PACRG: variants seen among roughly 807,000 people sequenced by gnomAD.
PACRG encodes parkin coregulated gene protein.
In PACRG, 29 loss-of-function variants were observed where a neutral mutation model predicts 29.7. The ratio of observed to expected loss-of-function variants is 0.98; its 90% CI spans 0.73 to 1.33. The LOEUF (loss-of-function observed/expected upper bound fraction) is 1.33. Among genes scored for constraint, PACRG ranks in the 40% most tolerant of loss-of-function variants. PACRG has a pLI of 0.00. For synonymous variants in PACRG, 116 were observed against 118.7 expected, an observed-to-expected ratio of 0.98 and a Z score of 0.15; for missense variants, 279 against 316.2, an observed-to-expected ratio of 0.88 and a Z score of 0.89.
At chr6:162,899,254 G>A (rs1795381313) in intron 2 of PACRG, among the ~76,000 whole-genome samples, 1 of 152,140 alleles carries the variant, frequency 6.6e-6, no homozygotes, top group Non-Finnish European at 1.5e-5. Context: ...GGAGAAAGAG[G>A]AGGTTAGAGG....
At chr6:162,933,362 T>C in intron 2 of PACRG, among the ~76,000 whole-genome samples, 1 of 152,170 alleles carries the variant, frequency 6.6e-6, no homozygotes, top group Non-Finnish European at 1.5e-5. Context: ...ACATTTGCTC[T>C]GTAGTGCAGT....
rs66497763 is a variant in PACRG at position 162,989,722 on chromosome 6, CTTTT to C, written c.292-72418_292-72415del. ...GAGGGCTGACTGTGTTCAGTACTTC[CTTTT>C]TTTTTTTTTCTTTTCTTTTTTTTTA... On this transcript the variant is annotated intron_variant, in intron 2 of 4. Transcript: ENST00000366888. 1.5e-4 allele frequency among the ~76,000 whole-genome samples: 21 copies of C among 142,066 alleles called. 1 individual carries two copies. Among genetic ancestry groups the C allele is most frequent in the African/African-American group, 5.2e-4 (20 of 38,740 alleles). 93.2% of individuals were successfully genotyped at this position (142,066 alleles called of 152,430 possible). A position where few individuals can be genotyped will look rare whatever the true frequency, so the allele number is the denominator to read the frequency against.
intron 4 of PACRG, among the ~76,000 whole-genome samples, chr6:163,223,116 G>A (rs769466422): frequency 5.5e-4 from 83 of 152,166 alleles, no homozygotes; most frequent in Non-Finnish European, 3.1e-4. Flanking sequence ...AACATTGACC[G>A]GGCGCGATGG....
intron 4 of PACRG, among the ~76,000 whole-genome samples, chr6:163,126,244 A>G (rs761605258): frequency 1.3e-5 from 2 of 152,210 alleles, no homozygotes; most frequent in African/African-American, 2.4e-5. Flanking sequence ...ATGGCGTTCA[A>G]TTTCACTCAG....
At chr6:163,276,401 G>A (rs1212181504) in intron 4 of PACRG, among the ~76,000 whole-genome samples, 1 of 152,096 alleles carries the variant, frequency 6.6e-6, no homozygotes, top group Non-Finnish European at 1.5e-5. Flanking sequence ...CCTTCATTTT[G>A]TTTCCACTAG....
chr6:163,141,703 C>G (rs911785290), intron 4 of PACRG, among the ~76,000 whole-genome samples: 1 of 151,550 alleles, frequency 6.6e-6, no homozygotes, highest in African/African-American at 2.4e-5. Flanking sequence ...AGAGGGGCAT[C>G]GTAGGATAAG....
chr6:162,961,277 G>A (rs1235665094), intron 2 of PACRG, among the ~76,000 whole-genome samples: 7 of 152,198 alleles, frequency 4.6e-5, no homozygotes, highest in Non-Finnish European at 8.8e-5. Context: ...TGTTAAGGAA[G>A]CTGTCTAGAG....
At chr6:162,885,502 C>G (rs1358579917) in intron 2 of PACRG, among the ~76,000 whole-genome samples, 1 of 146,276 alleles carries the variant, frequency 6.8e-6, no homozygotes, top group East Asian at 1.9e-4. Flanking sequence ...AACTCCTGAC[C>G]TCAAGCCATC....
At chr6:162,791,358 G>A (rs1264454272) in intron 1 of PACRG, among the ~76,000 whole-genome samples, 1 of 120,904 alleles carries the variant, frequency 8.3e-6, no homozygotes, top group Non-Finnish European at 1.7e-5. Context: ...TCTGTAGATT[G>A]GGTTCCAGGT....
At chr6:162,862,488 A>G (rs564154020) in intron 2 of PACRG, among the ~76,000 whole-genome samples, 12 of 152,252 alleles carry the variant, frequency 7.9e-5, no homozygotes, top group Non-Finnish European at 1.8e-4. Flanking sequence ...TGCTAGGCAC[A>G]CAAGAAATGC....
intron 2 of PACRG, among the ~76,000 whole-genome samples, chr6:162,830,524 C>G (rs1788671325): frequency 1.3e-5 from 2 of 152,246 alleles, no homozygotes; most frequent in African/African-American, 4.8e-5. Flanking sequence ...TTCTCATCCC[C>G]CTCTCCCCAG....
chr6:163,303,845 T>A (rs11967702), intron 4 of PACRG, among the ~76,000 whole-genome samples: 1 of 150,924 alleles, frequency 6.6e-6, no homozygotes. Context: ...CCCATCTCTA[T>A]TAAAGAAAAA....
chr6:162,897,046 C>A (rs186941341), intron 2 of PACRG, among the ~76,000 whole-genome samples: 1 of 152,224 alleles, frequency 6.6e-6, no homozygotes, highest in East Asian at 1.9e-4. Flanking sequence ...GCCAATGAGC[C>A]CCTACAACAA....
At chr6:162,871,068 A>G (rs1792762089) in intron 2 of PACRG, among the ~76,000 whole-genome samples, 1 of 152,192 alleles carries the variant, frequency 6.6e-6, no homozygotes, top group African/African-American at 2.4e-5. Flanking sequence ...AAAAATGTCA[A>G]TTGCTATGAG....
chr6:162,881,960 G>GT (rs1419554315), intron 2 of PACRG, among the ~76,000 whole-genome samples: 1 of 124,436 alleles, frequency 8.0e-6, no homozygotes, highest in Non-Finnish European at 1.7e-5. Context: ...CCAGAGATGG[G>GT]TGGGGGGGGG....
At chr6:162,790,801 T>C (rs1478755565) in intron 1 of PACRG, among the ~76,000 whole-genome samples, 2 of 152,172 alleles carry the variant, frequency 1.3e-5, no homozygotes, top group Admixed American at 1.3e-4. Flanking sequence ...GATCCCGCTA[T>C]GTATCAAAGG....
chr6:162,842,450 T>A (rs1789879234), intron 2 of PACRG, among the ~76,000 whole-genome samples: 2 of 152,054 alleles, frequency 1.3e-5, no homozygotes, highest in Admixed American at 1.3e-4. Flanking sequence ...ATTTGCTTGG[T>A]AGATCTTCCT....
intron 2 of PACRG, among the ~76,000 whole-genome samples, chr6:162,822,177 G>A (rs905787224): frequency 4.6e-5 from 7 of 152,076 alleles, no homozygotes; most frequent in Non-Finnish European, 7.4e-5. Context: ...TAATGACAAC[G>A]AAAAAGACAA....
At chr6:163,147,430 A>T (rs1017802110) in intron 4 of PACRG, among the ~76,000 whole-genome samples, 13 of 152,208 alleles carry the variant, frequency 8.5e-5, no homozygotes, top group African/African-American at 2.9e-4. Flanking sequence ...CAACTTAAAG[A>T]TGAATGAACT....
Sources: allele counts gnomAD v4.1 joint callset (sites outside exome capture counted in the v4.1 genomes callset), GRCh38; gene constraint gnomAD v4.1.1; transcripts MANE v1.5; gene names NCBI Gene and HGNC (gene_info 2026-07-23, HGNC 2026-07-21).